IQCJ: variants seen among roughly 807,000 people sequenced by gnomAD.
IQCJ encodes the protein IQ domain-containing protein J.
In IQCJ, 9 loss-of-function variants were observed where a neutral mutation model predicts 11.0. The observed-to-expected ratio is 0.82, with a 90% CI of 0.49 to 1.43. The LOEUF is 1.43. IQCJ is among the 40% of genes most tolerant of loss of function. The pLI is 0.00. For missense variants in IQCJ, 146 were observed against 133.2 expected (o/e 1.10, Z -0.47); for synonymous variants, 55 against 51.3 (o/e 1.07, Z -0.31).
chr3:159,140,207 T>C (rs1445788308), intron 1 of IQCJ, among the ~76,000 whole-genome samples: 1 of 152,184 alleles, frequency 6.6e-6, no homozygotes, highest in Non-Finnish European at 1.5e-5. Context: ...TGTTGTACAG[T>C]CTATGTGTTT....
Position 159,105,514 on chromosome 3 carries a change from G to C in IQCJ, c.9+36073G>C, listed in dbSNP as rs187232343. Among the ~76,000 whole-genome samples, 18 of 152,282 alleles carry C rather than the reference G, an allele frequency of 1.2e-4. 1 individual carries two copies. The highest frequency in any genetic ancestry group is 1.4e-4 in the African/African-American group (6 of 41,544). ...CTCAGTGGAGCTTACACTCTCATGGGGGGAGACAAGGAGTAAGTAAAGGTA... is the reference window on the plus strand; with the variant it reads ...CTCAGTGGAGCTTACACTCTCATGGCGGGAGACAAGGAGTAAGTAAAGGTA... On this transcript the variant is annotated intron_variant, in intron 1 of 3. Coordinates refer to ENST00000397832, the MANE Select transcript of IQCJ (RefSeq NM_001042706.3).
chr3:159,174,333 A>G (rs1722655944), intron 1 of IQCJ, among the ~76,000 whole-genome samples: 1 of 152,114 alleles, frequency 6.6e-6, no homozygotes, highest in Non-Finnish European at 1.5e-5. Context: ...CCTATATTAT[A>G]TGATTAAAAA....
At chr3:159,152,148 C>A (rs59482212) in intron 1 of IQCJ, among the ~76,000 whole-genome samples, 1 of 152,086 alleles carries the variant, frequency 6.6e-6, no homozygotes, top group African/African-American at 2.4e-5. Flanking sequence ...CTCCAGGACC[C>A]ACCATCTGAT....
intron 1 of IQCJ, among the ~76,000 whole-genome samples, chr3:159,175,442 G>C (rs536999262): frequency 1.3e-5 from 2 of 152,278 alleles, no homozygotes; most frequent in Admixed American, 1.3e-4. Flanking sequence ...CTTCACTCCA[G>C]CCTGGGCAAC....
intron 1 of IQCJ, among the ~76,000 whole-genome samples, chr3:159,169,027 A>G (rs1024070755): frequency 6.6e-6 from 1 of 151,900 alleles, no homozygotes; most frequent in African/African-American, 2.4e-5. Context: ...TTTAGCACAT[A>G]CTCTCTGAAG....
intron 1 of IQCJ, among the ~76,000 whole-genome samples, chr3:159,163,084 T>G (rs1231118703): frequency 6.6e-6 from 1 of 152,236 alleles, no homozygotes; most frequent in East Asian, 1.9e-4. Context: ...GAGGCCAGCA[T>G]AATTCTGATA....
At chr3:159,141,545 ACAT>A (rs1365301455) in intron 1 of IQCJ, among the ~76,000 whole-genome samples, 1 of 152,264 alleles carries the variant, frequency 6.6e-6, no homozygotes, top group Non-Finnish European at 1.5e-5. Flanking sequence ...AAAGCAGCTT[ACAT>A]CATTTATAAT....
intron 1 of IQCJ, among the ~76,000 whole-genome samples, chr3:159,232,118 G>A (rs926902588): frequency 2.6e-5 from 4 of 151,838 alleles, no homozygotes; most frequent in African/African-American, 7.3e-5. Flanking sequence ...GGATTTTTTT[G>A]TGTCTCTAAC....
intron 1 of IQCJ, among the ~76,000 whole-genome samples, chr3:159,225,704 C>A (rs1283053596): frequency 6.6e-6 from 1 of 151,936 alleles, no homozygotes. Context: ...TCTGTGGACA[C>A]CAACTCGGTT....
intron 1 of IQCJ, among the ~76,000 whole-genome samples, chr3:159,160,177 G>C (rs1721755415): frequency 6.6e-6 from 1 of 152,122 alleles, no homozygotes; most frequent in Non-Finnish European, 1.5e-5. Flanking sequence ...TAGCACAGAG[G>C]CAAGATATTG....
intron 1 of IQCJ, among the ~76,000 whole-genome samples, chr3:159,103,393 G>C (rs1019807789): frequency 3.3e-5 from 5 of 152,090 alleles, no homozygotes; most frequent in African/African-American, 1.2e-4. Context: ...CATTTATAAA[G>C]CTTCCTGAGA....
At chr3:159,244,073 G>A (rs1351061524) in intron 1 of IQCJ, among the ~76,000 whole-genome samples, 1 of 152,214 alleles carries the variant, frequency 6.6e-6, no homozygotes, top group Non-Finnish European at 1.5e-5. Context: ...AAGGAGGCTT[G>A]GGTAGGAGGG....
chr3:159,091,652 ACAC>A (rs1717297292), intron 1 of IQCJ, among the ~76,000 whole-genome samples: 1 of 51,362 alleles, frequency 1.9e-5, no homozygotes, highest in Non-Finnish European at 4.1e-5. Flanking sequence ...GTATTTACAC[ACAC>A]ACACACACAC....
chr3:159,223,173 T>C (rs1725647350), intron 1 of IQCJ, among the ~76,000 whole-genome samples: 1 of 152,108 alleles, frequency 6.6e-6, no homozygotes, highest in African/African-American at 2.4e-5. Context: ...TTGAGGAATT[T>C]GCTAGAGACT....
chr3:159,225,458 C>T (rs540874876), intron 1 of IQCJ, among the ~76,000 whole-genome samples: 2 of 152,030 alleles, frequency 1.3e-5, no homozygotes, highest in African/African-American at 2.4e-5. Flanking sequence ...GCATCTTGAT[C>T]GTAGTAGTTG....
intron 1 of IQCJ, among the ~76,000 whole-genome samples, chr3:159,160,605 A>G (rs1441472996): frequency 2.0e-5 from 3 of 151,886 alleles, no homozygotes; most frequent in African/African-American, 7.3e-5. Flanking sequence ...ATATGTATGC[A>G]TGTGCCATGC....
At chr3:159,240,096 G>C (rs898214915) in intron 1 of IQCJ, among the ~76,000 whole-genome samples, 5 of 152,062 alleles carry the variant, frequency 3.3e-5, no homozygotes, top group Admixed American at 6.6e-5. Flanking sequence ...GGAAGTGTAG[G>C]GGAAAATAGG....
At chr3:159,164,496 G>A (rs937339573) in intron 1 of IQCJ, among the ~76,000 whole-genome samples, 2 of 152,168 alleles carry the variant, frequency 1.3e-5, no homozygotes, top group South Asian at 2.1e-4. Flanking sequence ...CTCCAGGCGC[G>A]GTGGCTAACA....
At chr3:159,239,731 C>A (rs990937154) in intron 1 of IQCJ, among the ~76,000 whole-genome samples, 1 of 152,166 alleles carries the variant, frequency 6.6e-6, no homozygotes, top group African/African-American at 2.4e-5. Flanking sequence ...CAACCCATAA[C>A]AACATAACAT....
Sources: allele counts gnomAD v4.1 joint callset (sites outside exome capture counted in the v4.1 genomes callset), GRCh38; gene constraint gnomAD v4.1.1; transcripts MANE v1.5; gene names NCBI Gene and HGNC (gene_info 2026-07-23, HGNC 2026-07-21).